PTPRD: variants seen among roughly 807,000 people sequenced by gnomAD.
The protein encoded by PTPRD is protein tyrosine phosphatase receptor type D.
A neutral mutation model predicts 214.5 loss-of-function variants in PTPRD; 34 were observed. That is an observed-to-expected ratio of 0.16 (90% confidence interval 0.12 to 0.21). The LOEUF (loss-of-function observed/expected upper bound fraction) is 0.21, where lower values mean the gene tolerates loss of function less well. PTPRD is among the 10% of genes least tolerant of loss of function. PTPRD has a pLI of 1.00. For synonymous variants in PTPRD, 1,128 were observed against 845.7 expected, an observed-to-expected ratio of 1.33 and a Z score of -5.79; for missense variants, 2,545 against 2,398.7, an observed-to-expected ratio of 1.06 and a Z score of -1.27.
At chr9:9,153,769 T>C (rs778256283) in intron 10 of PTPRD, among the ~76,000 whole-genome samples, 3 of 152,166 alleles carry the variant, frequency 2.0e-5, no homozygotes, top group African/African-American at 7.2e-5. Context: ...ATTCATCTAC[T>C]GCAGTGTTCC....
chr9:10,218,650 G>C (rs1186055517), intron 3 of PTPRD, among the ~76,000 whole-genome samples: 2 of 151,700 alleles, frequency 1.3e-5, no homozygotes, highest in Non-Finnish European at 2.9e-5. Context: ...TATGTAGTCT[G>C]AATCCATTTA....
At chr9:8,434,835 C>T (rs969893428) in intron 35 of PTPRD, among the ~76,000 whole-genome samples, 3 of 152,026 alleles carry the variant, frequency 2.0e-5, no homozygotes, top group African/African-American at 4.8e-5. Flanking sequence ...GAGCCCTAAG[C>T]CCTAAATTAG....
At chr9:10,317,143 C>A (rs2096456357) in intron 3 of PTPRD, among the ~76,000 whole-genome samples, 1 of 151,818 alleles carries the variant, frequency 6.6e-6, no homozygotes. Context: ...AATATAGAAA[C>A]ACTAATGCAA....
chr9:9,655,641 G>C (rs149991348), intron 7 of PTPRD, among the ~76,000 whole-genome samples: 1 of 149,760 alleles, frequency 6.7e-6, no homozygotes, highest in African/African-American at 2.5e-5. Flanking sequence ...AAACCAAACC[G>C]GAAAAACACC....
intron 3 of PTPRD, among the ~76,000 whole-genome samples, chr9:10,167,120 CCT>C (rs2099163880): frequency 1.5e-5 from 2 of 130,702 alleles, no homozygotes; most frequent in South Asian, 5.1e-4. Context: ...TAAAAGTAGA[CCT>C]TTTTTTTTTT....
At chr9:9,271,800 G>T (rs1943049260) in intron 9 of PTPRD, among the ~76,000 whole-genome samples, 1 of 151,342 alleles carries the variant, frequency 6.6e-6, no homozygotes, top group Non-Finnish European at 1.5e-5. Flanking sequence ...TTTAGGGTTT[G>T]ATTGTGTTAC....
intron 10 of PTPRD, among the ~76,000 whole-genome samples, chr9:9,158,408 TG>T: frequency 6.6e-6 from 1 of 152,090 alleles, no homozygotes; most frequent in Non-Finnish European, 1.5e-5. Context: ...GAGATCAGCC[TG>T]GCCAACATGC....
intron 2 of PTPRD, among the ~76,000 whole-genome samples, chr9:10,599,741 G>A (rs1416599282): frequency 6.6e-6 from 1 of 151,724 alleles, no homozygotes; most frequent in Non-Finnish European, 1.5e-5. Flanking sequence ...AATGATTCAA[G>A]ATTGCTCTAT....
chr9:9,835,201 C>T (rs372613905), intron 5 of PTPRD, among the ~76,000 whole-genome samples: 8 of 152,200 alleles, frequency 5.3e-5, no homozygotes, highest in East Asian at 3.9e-4. Context: ...TATATTTCTG[C>T]GGATCCACTA....
intron 36 of PTPRD, among the ~76,000 whole-genome samples, chr9:8,394,158 G>C (rs569152606): frequency 1.3e-5 from 2 of 150,808 alleles, no homozygotes; most frequent in East Asian, 3.9e-4. Flanking sequence ...GGGTCATGTG[G>C]ATTTTTTAAA....
intron 2 of PTPRD, among the ~76,000 whole-genome samples, chr9:10,418,447 A>G (rs2098514688): frequency 1.6e-4 from 2 of 12,826 alleles, no homozygotes; most frequent in Non-Finnish European, 2.3e-4. Context: ...CTTCCCCTCT[A>G]CACACACACA....
intron 14 of PTPRD, among the ~76,000 whole-genome samples, chr9:8,529,975 T>C (rs976454316): frequency 6.6e-6 from 1 of 152,028 alleles, no homozygotes; most frequent in Non-Finnish European, 1.5e-5. Flanking sequence ...ACTGATAAAT[T>C]TTCATAAGCC....
intron 6 of PTPRD, among the ~76,000 whole-genome samples, chr9:9,765,384 T>C (rs1446009626): frequency 6.6e-6 from 1 of 152,154 alleles, no homozygotes; most frequent in Non-Finnish European, 1.5e-5. Context: ...TTACTAATGA[T>C]AGTATATATG....
At chr9:10,539,402 C>T (rs2058599030) in intron 2 of PTPRD, among the ~76,000 whole-genome samples, 3 of 152,146 alleles carry the variant, frequency 2.0e-5, no homozygotes, top group African/African-American at 7.2e-5. Flanking sequence ...CCAGGCTGGT[C>T]TCAAACTCCT....
Position 9,741,766 on chromosome 9 carries a change from C to A in PTPRD, c.-325-7195G>T, listed in dbSNP as rs2098405627. Among the ~76,000 whole-genome samples the A allele has an allele frequency of 2.0e-5, 3 of 152,138 alleles. 1 individual carries two copies. The highest frequency in any genetic ancestry group is 1.3e-4 in the Admixed American group (2 of 15,264). Reference sequence around the variant, plus strand: ...TGATGATTTCCAGCTTCATCCATGTCCCTGCAAATGACATGAACTCATTCT... The same window carrying A: ...TGATGATTTCCAGCTTCATCCATGTACCTGCAAATGACATGAACTCATTCT... On this transcript the variant is annotated intron_variant, in intron 6 of 45. Coordinates refer to ENST00000381196, the MANE Select transcript of PTPRD (RefSeq NM_002839.4).
chr9:9,442,288 TC>T (rs2088336139), intron 8 of PTPRD: 1 of 152,260 alleles, frequency 6.6e-6, no homozygotes, highest in African/African-American at 2.4e-5. Flanking sequence ...CCCGTGCTGA[TC>T]AGTAGAAGTC....
intron 3 of PTPRD, among the ~76,000 whole-genome samples, chr9:10,042,802 G>A (rs370460167): frequency 6.6e-6 from 1 of 151,834 alleles, no homozygotes; most frequent in Non-Finnish European, 1.5e-5. Flanking sequence ...TAAATGACAA[G>A]TAATTATCCA....
chr9:8,836,812 G>A (rs1210767495), intron 11 of PTPRD, among the ~76,000 whole-genome samples: 1 of 151,384 alleles, frequency 6.6e-6, no homozygotes, highest in Admixed American at 6.6e-5. Flanking sequence ...TGGCCAGGAT[G>A]GTCTTGATCT....
chr9:9,298,710 G>C (rs747333744), intron 9 of PTPRD, among the ~76,000 whole-genome samples: 2 of 151,700 alleles, frequency 1.3e-5, no homozygotes, highest in African/African-American at 4.8e-5. Context: ...AATTCCCTTA[G>C]CAATGGGCTG....
Sources: gnomAD v4.1 joint callset for allele counts (sites outside exome capture counted in the v4.1 genomes callset) on GRCh38, gnomAD v4.1.1 for gene constraint, MANE v1.5 for transcripts, NCBI Gene and HGNC (gene_info 2026-07-23, HGNC 2026-07-21) for gene names.